The following AGBL1 variants were observed in gnomAD, a reference collection of about 807,000 sequenced individuals.
The protein encoded by AGBL1 is AGBL carboxypeptidase 1.
A neutral mutation model predicts 118.9 loss-of-function variants in AGBL1; 130 were observed. The ratio of observed to expected loss-of-function variants is 1.09; its 90% CI spans 0.95 to 1.26. AGBL1 has a LOEUF of 1.26. AGBL1 is among the 50% of genes most tolerant of loss of function. The pLI is 0.00. For missense variants in AGBL1, 1,584 were observed against 1,298.1 expected (o/e 1.22, Z -3.38); for synonymous variants, 555 against 478.9 (o/e 1.16, Z -2.08).
chr15:87,018,957 G>T (rs556698612), intron 24 of AGBL1, among the ~76,000 whole-genome samples: 2 of 152,082 alleles, frequency 1.3e-5, no homozygotes, highest in East Asian at 3.9e-4. Context: ...ACAGAGAAAA[G>T]CAGGGATTGC....
chr15:86,791,728 T>TATATATATATATATATACA (rs1177264209), intron 22 of AGBL1, among the ~76,000 whole-genome samples: 1 of 142,874 alleles, frequency 7.0e-6, no homozygotes, highest in African/African-American at 2.6e-5. Flanking sequence ...TCCTTGTTTT[T>TATATATATATATATATACA]TATATATATA....
chr15:86,248,866 TAG>T (rs1470161803), intron 7 of AGBL1, among the ~76,000 whole-genome samples: 2 of 152,132 alleles, frequency 1.3e-5, no homozygotes, highest in Admixed American at 6.5e-5. Context: ...GGTGTTCTTT[TAG>T]AGAGAGAGGT....
At chr15:86,086,324 T>C (rs1031870599) in intron 1 of AGBL1, 3 of 152,146 alleles carry the variant, frequency 2.0e-5, no homozygotes, top group Non-Finnish European at 4.4e-5. Context: ...GAAATGGGTG[T>C]ATGGAAATGC....
chr15:86,963,463 T>G (rs12324213), intron 23 of AGBL1, among the ~76,000 whole-genome samples: 1 of 152,014 alleles, frequency 6.6e-6, no homozygotes, highest in Non-Finnish European at 1.5e-5. Flanking sequence ...ACATAAACTT[T>G]CCAATCAAAG....
chr15:86,454,587 T>C (rs1327879534), intron 18 of AGBL1, among the ~76,000 whole-genome samples: 1 of 152,158 alleles, frequency 6.6e-6, no homozygotes, highest in Non-Finnish European at 1.5e-5. Context: ...AAAATATTGG[T>C]AAATGCTACA....
chr15:87,014,666 A>T (rs1251696577), intron 24 of AGBL1, among the ~76,000 whole-genome samples: 1 of 152,214 alleles, frequency 6.6e-6, no homozygotes, highest in African/African-American at 2.4e-5. Context: ...GGTACAGAAG[A>T]GTACCCGGAT....
chr15:86,341,243 G>C (rs2080457392), intron 17 of AGBL1, among the ~76,000 whole-genome samples: 1 of 152,160 alleles, frequency 6.6e-6, no homozygotes, highest in Admixed American at 6.5e-5. Context: ...ATGTTATTAT[G>C]TAAAAATTTT....
rs190318209 is a variant in AGBL1, at chr15:86,336,839, C to T, written c.2374+41431C>T. 1.8e-3 allele frequency among the ~76,000 whole-genome samples: 267 copies of T among 152,302 alleles called. 1 individual carries two copies. The highest frequency in any genetic ancestry group is 6.2e-3 in the African/African-American group (257 of 41,560). On this transcript the variant is annotated intron_variant, in intron 17 of 22. Transcript: ENST00000614907. ...TTAAGAAAGAGACAAATGAAAGGTGCTAGAGGCAAGCTCCTATGATGACAC... is the reference window on the plus strand; with the variant it reads ...TTAAGAAAGAGACAAATGAAAGGTGTTAGAGGCAAGCTCCTATGATGACAC...
At chr15:86,538,810 C>T (rs1454728206) in intron 19 of AGBL1, among the ~76,000 whole-genome samples, 1 of 152,070 alleles carries the variant, frequency 6.6e-6, no homozygotes, top group Non-Finnish European at 1.5e-5. Flanking sequence ...AATAGGTGAG[C>T]CCTGGGGAAA....
chr15:86,604,125 G>C (rs546055002), intron 21 of AGBL1, among the ~76,000 whole-genome samples: 1 of 150,256 alleles, frequency 6.7e-6, no homozygotes, highest in Non-Finnish European at 1.5e-5. Context: ...CAAACTCATC[G>C]GGGCCACCTC....
intron 5 of AGBL1, among the ~76,000 whole-genome samples, chr15:86,162,916 T>C (rs925497433): frequency 2.0e-5 from 3 of 152,232 alleles, no homozygotes; most frequent in Admixed American, 2.0e-4. Flanking sequence ...GGATGCCACC[T>C]GCTCCATTTC....
intron 24 of AGBL1, among the ~76,000 whole-genome samples, chr15:87,001,153 A>G (rs544967583): frequency 0.018 from 2,631 of 145,096 alleles, 40 homozygotes; most frequent in Middle Eastern, 0.027. Flanking sequence ...TTTTCTAGAT[A>G]TACAATCATG....
At chr15:86,426,412 A>G (rs1052532492) in intron 18 of AGBL1, among the ~76,000 whole-genome samples, 2 of 152,204 alleles carry the variant, frequency 1.3e-5, no homozygotes, top group African/African-American at 4.8e-5. Context: ...TCTACCAGCT[A>G]TTTGCTTAAG....
chr15:86,523,418 A>C (rs767506822), intron 19 of AGBL1, among the ~76,000 whole-genome samples: 2 of 150,192 alleles, frequency 1.3e-5, no homozygotes, highest in Non-Finnish European at 2.9e-5. Context: ...GCCTCATCAT[A>C]GTTTTATCAT....
intron 18 of AGBL1, among the ~76,000 whole-genome samples, chr15:86,438,231 T>C (rs1273217853): frequency 6.6e-6 from 1 of 152,094 alleles, no homozygotes; most frequent in East Asian, 1.9e-4. Context: ...TATAAAGTGG[T>C]GAATGTTATA....
chr15:86,080,939 G>C (rs1353589474), intron 1 of AGBL1, among the ~76,000 whole-genome samples: 1 of 140,714 alleles, frequency 7.1e-6, no homozygotes, highest in Non-Finnish European at 1.6e-5. Context: ...TTGTGGGGGC[G>C]GGGGGGGGTC....
chr15:86,257,500 A>G (rs940453787), intron 8 of AGBL1, among the ~76,000 whole-genome samples: 12 of 152,264 alleles, frequency 7.9e-5, no homozygotes, highest in Non-Finnish European at 1.8e-4. Context: ...CAGATTTTCT[A>G]TAGGCATAAT....
chr15:86,533,100 A>C (rs2083373546), intron 19 of AGBL1, among the ~76,000 whole-genome samples: 1 of 74,392 alleles, frequency 1.3e-5, no homozygotes, highest in East Asian at 5.1e-4. Context: ...CAAAAGCCAA[A>C]ATTGACAAAT....
chr15:86,250,525 C>CAAAAA lies in AGBL1; in HGVS notation c.735+2690_735+2694dup, dbSNP rs60432449. Among the ~76,000 whole-genome samples, 4 of 38,970 alleles carry CAAAAA rather than the reference C, an allele frequency of 1.0e-4. 2 individuals carry two copies. The highest frequency in any genetic ancestry group is 1.9e-4 in the African/African-American group (2 of 10,422). The allele number at this position is 38,970 out of a possible 152,430, so 25.6% of individuals were successfully genotyped here. ...TGGGCAACAGAGTAAGACTCTGTCTCAAAAAAAAAAAAAAAAAAAAAAAAA... is the reference window on the plus strand; with the variant it reads ...TGGGCAACAGAGTAAGACTCTGTCTCAAAAAAAAAAAAAAAAAAAAAAAAAAAAAA... On this transcript the variant is annotated intron_variant, in intron 7 of 22. Coordinates refer to ENST00000614907, the MANE Select transcript of AGBL1 (RefSeq NM_001386094.1).
Sources: gnomAD v4.1 joint callset for allele counts (sites outside exome capture counted in the v4.1 genomes callset) on GRCh38, gnomAD v4.1.1 for gene constraint, MANE v1.5 for transcripts, NCBI Gene and HGNC (gene_info 2026-07-23, HGNC 2026-07-21) for gene names.